ACSBG2: variants seen among roughly 807,000 people sequenced by gnomAD.
ACSBG2 encodes the protein long-chain-fatty-acid--CoA ligase ACSBG2.
A neutral mutation model predicts 74.7 loss-of-function variants in ACSBG2; 62 were observed. The ratio of observed to expected loss-of-function variants is 0.83; its 90% CI spans 0.68 to 1.03. The LOEUF (loss-of-function observed/expected upper bound fraction) is 1.03, where lower values mean the gene tolerates loss of function less well. ACSBG2 is among the 50% of genes least tolerant of loss of function. The probability of loss-of-function intolerance (pLI) is 0.00; values close to 1 mark genes in which losing one functional copy is unlikely to be tolerated. For synonymous variants in ACSBG2, 309 were observed against 294.1 expected, an observed-to-expected ratio of 1.05 and a Z score of -0.52; for missense variants, 730 against 817.6, an observed-to-expected ratio of 0.89 and a Z score of 1.31.
rs1457526150 is a variant in ACSBG2, at chr19:6,135,733, T to C, written c.-208T>C. 2.0e-5 allele frequency: 3 copies of C among 152,310 alleles called. No homozygotes were observed. The highest frequency in any genetic ancestry group is 4.4e-5 in the Non-Finnish European group (3 of 68,200). The allele number at this position is 152,310 out of a possible 1,614,324, so 9.4% of individuals were successfully genotyped here. ...CTCCTGCCTCCCACCACCACCATCA[T>C]CCTGGCTGGACGGAGAGGGTGACGG... On this transcript the variant is annotated 5_prime_UTR_variant, in exon 1 of 15. Transcript: ENST00000588485.
intron 13 of ACSBG2, among the ~76,000 whole-genome samples, chr19:6,188,561 A>G (rs1443310794): frequency 1.3e-5 from 2 of 152,324 alleles, no homozygotes; most frequent in East Asian, 3.9e-4. Context: ...CAGGGAGGTC[A>G]AGGCTGCAGT....
At chr19:6,139,511 C>G (rs994674311) in intron 1 of ACSBG2, among the ~76,000 whole-genome samples, 3 of 152,184 alleles carry the variant, frequency 2.0e-5, no homozygotes, top group African/African-American at 7.2e-5. Flanking sequence ...AGGGTTTACT[C>G]AAGTTTTCAC....
chr19:6,179,293 A>AT (rs1169472742), intron 8 of ACSBG2, among the ~76,000 whole-genome samples: 59,491 of 118,382 alleles, frequency 0.5, 15,806 homozygotes, highest in East Asian at 0.63. Context: ...TCTTTTCTAA[A>AT]TTTTTTTTTT....
intron 13 of ACSBG2, among the ~76,000 whole-genome samples, chr19:6,188,880 C>A (rs753673448): frequency 6.6e-6 from 1 of 152,138 alleles, no homozygotes; most frequent in Non-Finnish European, 1.5e-5. Flanking sequence ...GATCAGTGGG[C>A]ATCAGTAGTT....
At chr19:6,165,739 T>TGGC in intron 6 of ACSBG2, 127 bp from the exon 7 acceptor site, 1 of 1,130,680 alleles carries the variant, frequency 8.8e-7, no homozygotes, top group Non-Finnish European at 1.2e-6. Flanking sequence ...GTGCCAGGAC[T>TGGC]GGCACATCCT....
At chr19:6,181,334 GAGGA>G (rs538079290) in intron 8 of ACSBG2, among the ~76,000 whole-genome samples, 32 of 147,932 alleles carry the variant, frequency 2.2e-4, no homozygotes, top group South Asian at 1.3e-3. Flanking sequence ...GAGGAAAAAA[GAGGA>G]AGGAAGGAAG....
chr19:6,159,010 A>G (rs1198332169), intron 5 of ACSBG2, among the ~76,000 whole-genome samples: 1 of 149,298 alleles, frequency 6.7e-6, no homozygotes, highest in Non-Finnish European at 1.5e-5. Flanking sequence ...CAGTCTGGAG[A>G]GCAGTGGCGC....
chr19:6,152,439 C>T (rs558762073), intron 4 of ACSBG2, among the ~76,000 whole-genome samples: 2,227 of 73,946 alleles, frequency 0.03, 645 homozygotes, highest in African/African-American at 0.083. Context: ...TACAGGCGCC[C>T]GCCACCGCGC....
At chr19:6,192,172 C>A (rs61071082) in intron 14 of ACSBG2, 6 of 150,260 alleles carry the variant, frequency 4.0e-5, no homozygotes, top group Admixed American at 2.0e-4. Flanking sequence ...TACCGGGTTA[C>A]GTAAAATATT....
At chr19:6,184,047 C>T (rs1164639117) in intron 10 of ACSBG2, among the ~76,000 whole-genome samples, 1 of 152,180 alleles carries the variant, frequency 6.6e-6, no homozygotes, top group Non-Finnish European at 1.5e-5. Context: ...AAGCAATCCT[C>T]AGCCTCCCAA....
chr19:6,163,638 G>T (rs139080015), intron 6 of ACSBG2, among the ~76,000 whole-genome samples: 11 of 151,806 alleles, frequency 7.2e-5, no homozygotes, highest in Non-Finnish European at 1.5e-4. Context: ...CTACTCAGGA[G>T]GCTGAGAGAG....
chr19:6,158,351 C>T (rs1230357908), intron 5 of ACSBG2, among the ~76,000 whole-genome samples: 1 of 151,940 alleles, frequency 6.6e-6, no homozygotes, highest in East Asian at 1.9e-4. Context: ...GATACTGCAC[C>T]TGGCCTTGGT....
chr19:6,154,254 C>T (rs1316203285), intron 4 of ACSBG2, among the ~76,000 whole-genome samples: 2 of 150,938 alleles, frequency 1.3e-5, no homozygotes, highest in Non-Finnish European at 2.9e-5. Context: ...AAAAATTAGC[C>T]AGGCGTAGTG....
intron 2 of ACSBG2, 91 bp downstream of exon 2, chr19:6,141,701 A>G: frequency 1.1e-6 from 1 of 903,944 alleles, no homozygotes; most frequent in Non-Finnish European, 1.8e-6. Context: ...AGAAAGATGT[A>G]GCCATTCCTT....
chr19:6,164,367 A>G (rs1360903406), intron 6 of ACSBG2, among the ~76,000 whole-genome samples: 2 of 151,506 alleles, frequency 1.3e-5, no homozygotes, highest in African/African-American at 4.9e-5. Context: ...GCCTGCTCAG[A>G]TGAAGCCAGC....
intron 7 of ACSBG2, chr19:6,176,028 T>C (rs1405216882): frequency 4.1e-6 from 1 of 243,978 alleles, no homozygotes; most frequent in Non-Finnish European, 7.9e-6. Flanking sequence ...AGTTCTGTCG[T>C]TGGACCCAAG....
In ACSBG2 at chr19:6,166,111, A is replaced by G. The variant is rs2089791820; in HGVS notation, c.738+96A>G. On this transcript the variant is annotated intron_variant, in intron 7 of 14. Coordinates refer to ENST00000588485, the MANE Select transcript of ACSBG2 (RefSeq NM_030924.5). ...GGTGGCATTCCAGGGTCTAGTACGCAGTGTGGCTCCTTCACCATTGGGGGT... is the reference window on the plus strand; with the variant it reads ...GGTGGCATTCCAGGGTCTAGTACGCGGTGTGGCTCCTTCACCATTGGGGGT... 8 of 1,482,772 alleles carry G rather than the reference A, an allele frequency of 5.4e-6. No homozygotes were observed. In the South Asian group the frequency reaches 9.7e-5, roughly 18 times the overall value. The allele number at this position is 1,482,772 out of a possible 1,614,324, so 91.9% of individuals were successfully genotyped here.
chr19:6,181,240 A>AAAAAG (rs58856077), intron 8 of ACSBG2, among the ~76,000 whole-genome samples: 4 of 133,966 alleles, frequency 3.0e-5, no homozygotes, highest in African/African-American at 1.1e-4. Context: ...AAAAAAAAAA[A>AAAAAG]GGAAAGGAAA....
intron 2 of ACSBG2, among the ~76,000 whole-genome samples, chr19:6,144,962 G>T (rs1258641421): frequency 6.6e-6 from 1 of 152,050 alleles, no homozygotes; most frequent in Non-Finnish European, 1.5e-5. Context: ...TCCCAAAAGT[G>T]TTGGGATTAC....
Sources: allele counts gnomAD v4.1 joint callset (sites outside exome capture counted in the v4.1 genomes callset), GRCh38; gene constraint gnomAD v4.1.1; transcripts MANE v1.5; gene names NCBI Gene and HGNC (gene_info 2026-07-23, HGNC 2026-07-21).